The following AOX1 variants were observed in gnomAD, a reference collection of about 807,000 sequenced individuals.
AOX1 encodes the protein aldehyde oxidase.
AOX1 carries 153 observed loss-of-function variants against 169.5 expected under a neutral mutation model. That is an observed-to-expected ratio of 0.90 (90% CI 0.79 to 1.03). The LOEUF (loss-of-function observed/expected upper bound fraction) is 1.03. AOX1 is among the 50% of genes least tolerant of loss of function. The probability of loss-of-function intolerance (pLI) is 0.00; values close to 1 mark genes in which losing one functional copy is unlikely to be tolerated. For missense variants in AOX1, 1,656 were observed against 1,663.9 expected (o/e 1.00, Z 0.08); for synonymous variants, 562 against 581.9 (o/e 0.97, Z 0.49).
In AOX1 at chr2:200,627,422, TTTAAAGTGG is replaced by T; in HGVS notation, c.2197_2205del (p.Lys733_Val735del). The stretch of plus-strand genomic sequence containing the variant: ...GGAATATGGAAATGTTGACGAAGCA[TTTAAAGTGG>T]TTGATCAAATTCTTGAAGGTAAAAA... On this transcript the variant is annotated inframe_deletion, in exon 20 of 35. Coordinates refer to ENST00000374700, the MANE Select transcript of AOX1 (RefSeq NM_001159.4). 1 of 1,613,540 alleles carries T rather than the reference TTTAAAGTGG, an allele frequency of 6.2e-7. No homozygotes were observed. Among genetic ancestry groups the T allele is most frequent in the Non-Finnish European group, 8.5e-7 (1 of 1,179,518 alleles).
At chr2:200,628,150 A>G (rs1180020429) in intron 20 of AOX1, among the ~76,000 whole-genome samples, 2 of 152,018 alleles carry the variant, frequency 1.3e-5, no homozygotes, top group African/African-American at 4.8e-5. Flanking sequence ...GAAACTCCCA[A>G]ATATTTTTCA....
chr2:200,592,770 C>T (rs1382795126), intron 1 of AOX1, among the ~76,000 whole-genome samples: 3 of 152,132 alleles, frequency 2.0e-5, no homozygotes, highest in African/African-American at 7.2e-5. Context: ...AGCAATTCCC[C>T]TCCCTCCTTT....
rs2035574461 is a variant in AOX1 at position 200,651,174 on chromosome 2, T to G, written c.3048T>G (p.Val1016=). 1 of 1,614,228 alleles carries G rather than the reference T, an allele frequency of 6.2e-7. No individual in the cohort carries two copies. Among genetic ancestry groups the G allele is most frequent in the Non-Finnish European group, 8.5e-7 (1 of 1,180,032 alleles). Residue 1016 remains valine, a synonymous_variant, in exon 26 of 35, where the codon GTT becomes GTG. Transcript: ENST00000374700. ...GLAMVPLKFP[V]GLGSRAAGQA... The stretch of plus-strand genomic sequence containing the variant: ...CCATGGTCCCCCTGAAGTTTCCTGT[T>G]GGCCTTGGCTCACGTGCTGCTGGTC...
At chr2:200,602,383 C>A (rs2034434859) in intron 6 of AOX1, 38 bp downstream of exon 6, 1 of 1,580,264 alleles carries the variant, frequency 6.3e-7, no homozygotes, top group African/African-American at 1.3e-5. Flanking sequence ...TATGTTTTCC[C>A]CAGTGAAACG....
intron 20 of AOX1, among the ~76,000 whole-genome samples, chr2:200,630,795 A>G (rs1357530210): frequency 1.3e-5 from 2 of 152,196 alleles, no homozygotes; most frequent in African/African-American, 2.4e-5. Context: ...TATCATAGCA[A>G]CACTTTATCT....
chr2:200,588,502 A>G (rs985514164), intron 1 of AOX1, among the ~76,000 whole-genome samples: 16 of 152,146 alleles, frequency 1.1e-4, no homozygotes, highest in African/African-American at 3.9e-4. Context: ...AAAATTAGAT[A>G]AGCTAGTTCT....
intron 18 of AOX1, among the ~76,000 whole-genome samples, chr2:200,622,736 G>A (rs1278912191): frequency 2.0e-5 from 3 of 152,198 alleles, no homozygotes; most frequent in African/African-American, 7.2e-5. Context: ...CAGGTCACAG[G>A]AGCAAAATCA....
At chr2:200,623,513 C>A (rs1407701617) in intron 18 of AOX1, among the ~76,000 whole-genome samples, 3 of 152,238 alleles carry the variant, frequency 2.0e-5, no homozygotes, top group African/African-American at 7.2e-5. Flanking sequence ...GCAGAGGCTG[C>A]CTCTCTCAGA....
At chr2:200,612,981 TG>T (rs755759649) in intron 14 of AOX1, among the ~76,000 whole-genome samples, 188 bp downstream of exon 14, 1 of 150,460 alleles carries the variant, frequency 6.6e-6, no homozygotes, top group African/African-American at 2.5e-5. Flanking sequence ...AATTCTGAAG[TG>T]GGAATTATAT....
downstream of AOX1, among the ~76,000 whole-genome samples, chr2:200,672,205 G>A (rs2036039699): frequency 6.6e-6 from 1 of 152,214 alleles, no homozygotes; most frequent in Admixed American, 6.5e-5. Context: ...TCTAGAATGA[G>A]TGGTGATAAT....
chr2:200,640,403 G>A (rs943270130), intron 23 of AOX1, among the ~76,000 whole-genome samples: 4 of 152,164 alleles, frequency 2.6e-5, no homozygotes, highest in East Asian at 1.9e-4. Flanking sequence ...GGTAGACAGC[G>A]GGAGGCAGCT....
intron 10 of AOX1, 38 bp downstream of exon 10, chr2:200,605,666 A>T (rs374138035): frequency 9.5e-7 from 1 of 1,049,318 alleles, no homozygotes; most frequent in Non-Finnish European, 1.4e-6. Context: ...GTTAAGATGC[A>T]TTAATCAATT....
At chr2:200,637,413 T>C (rs2035257229) in intron 22 of AOX1, among the ~76,000 whole-genome samples, 1 of 152,180 alleles carries the variant, frequency 6.6e-6, no homozygotes, top group African/African-American at 2.4e-5. Flanking sequence ...CATATATATT[T>C]ATATACATAT....
At chr2:200,587,426 C>T (rs1030932398) in intron 1 of AOX1, among the ~76,000 whole-genome samples, 10 of 152,190 alleles carry the variant, frequency 6.6e-5, no homozygotes, top group Non-Finnish European at 1.2e-4. Context: ...ACACTTTTCC[C>T]GACGGGCACC....
intron 29 of AOX1, among the ~76,000 whole-genome samples, chr2:200,660,409 T>A (rs957300910): frequency 2.0e-5 from 3 of 152,222 alleles, no homozygotes; most frequent in Non-Finnish European, 4.4e-5. Context: ...TTCTTTGGGT[T>A]CTGCTGTTCC....
Position 200,668,892 on chromosome 2 carries a change from A to G in AOX1, c.3798+89A>G, listed in dbSNP as rs563718592. On this transcript the variant is annotated intron_variant, in intron 33 of 34. Transcript: ENST00000374700. ...TACATTCCTCTCTTGGCTGTTTGGG[A>G]TTTTTACCAGGATTGCAGAAGAAAA... 1.6e-5 allele frequency: 18 copies of G among 1,140,414 alleles called. No homozygotes were observed. The East Asian group carries it at 4.8e-4, about 30-fold the overall frequency. The allele number at this position is 1,140,414 out of a possible 1,614,324, so 70.6% of individuals were successfully genotyped here.
chr2:200,666,286 C>T (rs937089389), intron 31 of AOX1, among the ~76,000 whole-genome samples: 2 of 152,152 alleles, frequency 1.3e-5, no homozygotes, highest in African/African-American at 4.8e-5. Flanking sequence ...GCCAGTTGTA[C>T]CTGGATGTTT....
downstream of AOX1, among the ~76,000 whole-genome samples, chr2:200,673,947 G>A (rs569728015): frequency 6.6e-6 from 1 of 152,166 alleles, no homozygotes; most frequent in Non-Finnish European, 1.5e-5. Flanking sequence ...CTGCTCTGCA[G>A]TTACAGGCAC....
intron 25 of AOX1, among the ~76,000 whole-genome samples, 183 bp from the exon 26 acceptor site, chr2:200,650,791 G>GATA (rs2035563837): frequency 6.6e-6 from 1 of 152,210 alleles, no homozygotes; most frequent in Non-Finnish European, 1.5e-5. Context: ...TAGCACGTTT[G>GATA]ATAGAAGCTC....
Sources: allele counts gnomAD v4.1 joint callset (sites outside exome capture counted in the v4.1 genomes callset), GRCh38; gene constraint gnomAD v4.1.1; transcripts MANE v1.5; gene names NCBI Gene and HGNC (gene_info 2026-07-23, HGNC 2026-07-21).